TTC32: variants seen among roughly 807,000 people sequenced by gnomAD.
The protein encoded by TTC32 is tetratricopeptide repeat protein 32.
TTC32 carries 16 observed loss-of-function variants against 15.3 expected under a neutral mutation model. The observed-to-expected ratio is 1.05, with a 90% confidence interval of 0.71 to 1.59. TTC32 has a LOEUF of 1.59. TTC32 is among the 40% of genes most tolerant of loss of function. The pLI, the probability that TTC32 is intolerant of heterozygous loss-of-function variation, is 0.00. For missense variants in TTC32, 188 were observed against 181.9 expected (o/e 1.03, Z -0.19); for synonymous variants, 89 against 67.8 (o/e 1.31, Z -1.53).
chr2:19,897,034 G>C lies in TTC32; in HGVS notation c.409C>G (p.Leu137Val), dbSNP rs776631142. Residue 137 changes from leucine (L) to valine (V), a missense_variant, in exon 3 of 3, where the codon CTA (leucine) becomes GTA (valine). By Grantham distance (32) the Leu-to-Val change is conservative (BLOSUM62 1). Transcript: ENST00000333610. ...DATLSLKQTILDKEEKQRRNV... is the reference protein window; with the variant it reads ...DATLSLKQTIVDKEEKQRRNV... The stretch of plus-strand genomic sequence containing the variant: ...CTTCTTTGTTTTTCTTCTTTGTCTA[G>C]AATAGTCTGTTTTAAGCTCAAAGTA... 49 of 1,603,262 alleles carry C rather than the reference G, an allele frequency of 3.1e-5. No individual in the cohort carries two copies. Among genetic ancestry groups the C allele is most frequent in the Non-Finnish European group, 3.7e-5 (44 of 1,175,388 alleles).
rs1390947327 is a variant in TTC32 at position 19,897,068 on chromosome 2, A to G, written c.375T>C (p.Phe125=). 1 of 1,609,808 alleles carries G rather than the reference A, an allele frequency of 6.2e-7. No individual in the cohort carries two copies. Among genetic ancestry groups the G allele is most frequent in the East Asian group, 2.2e-5 (1 of 44,452 alleles). ...FKKVLDLNPG[F]QDATLSLKQT... ...GTTTTAAGCTCAAAGTAGCATCTTG[A>G]AATCCAGGATTTAAGTCTAAGACCT... Residue 125 remains phenylalanine (F), a synonymous_variant, in exon 3 of 3, where the codon TTT becomes TTC. Transcript: ENST00000333610.
chr2:19,898,133 T>C (rs1669541839), intron 1 of TTC32, 98 bp from the exon 2 acceptor site: 4 of 1,106,620 alleles, frequency 3.6e-6, no homozygotes, highest in Middle Eastern at 2.1e-4. Flanking sequence ...TCACAGCCTA[T>C]AACATGCAGC....
At chr2:19,901,190 C>G in intron 1 of TTC32, 1 of 405,318 alleles carries the variant, frequency 2.5e-6, no homozygotes, top group Non-Finnish European at 5.0e-6. Context: ...TCGTTATGCT[C>G]TCTTCCACAT....
intron 1 of TTC32, among the ~76,000 whole-genome samples, chr2:19,899,736 T>C (rs540426858): frequency 6.6e-6 from 1 of 151,144 alleles, no homozygotes; most frequent in Admixed American, 6.6e-5. Flanking sequence ...TGTGTGTATA[T>C]ATATACACAC....
chr2:19,901,647 A>G, intron 1 of TTC32, 59 bp downstream of exon 1: 1 of 1,570,738 alleles, frequency 6.4e-7, no homozygotes, highest in Non-Finnish European at 8.6e-7. Context: ...AGGAGCCCAA[A>G]CAACCCCAAC....
At chr2:19,901,513 C>T in intron 1 of TTC32, 193 bp downstream of exon 1, 1 of 689,848 alleles carries the variant, frequency 1.4e-6, no homozygotes, top group Non-Finnish European at 2.2e-6. Flanking sequence ...GGGCTTCTCC[C>T]CGCGTTCTCC....
chr2:19,901,090 G>A (rs1306909689), intron 1 of TTC32: 5 of 471,314 alleles, frequency 1.1e-5, no homozygotes, highest in Middle Eastern at 3.3e-4. Context: ...ACTATGTGAT[G>A]ATGACATGGT....
chr2:19,901,073 T>C (rs781422246), intron 1 of TTC32: 1 of 471,248 alleles, frequency 2.1e-6, no homozygotes, highest in East Asian at 6.9e-5. Context: ...CGACTTGATA[T>C]TAAGTAACTA....
chr2:19,897,955 G>A lies in TTC32; in HGVS notation c.230C>T (p.Ala77Val). 6.2e-7 allele frequency: 1 copy of A among 1,612,286 alleles called. No individual in the cohort carries two copies. Among genetic ancestry groups the A allele is most frequent in the Non-Finnish European group, 8.5e-7 (1 of 1,178,666 alleles). The change falls in exon 2 of 3, where the codon GCC (alanine) becomes GTC (valine). Residue 77 changes from alanine (A) to valine (V), a missense_variant. By Grantham distance (64) the Ala-to-Val change is moderately conservative (BLOSUM62 0). Coordinates refer to ENST00000333610, the MANE Select transcript of TTC32 (RefSeq NM_001008237.3). ...IKYFRVDFYE[A>V]MDDYTSAIEV... ...TATGGCAGATGTGTAGTCATCCATG[G>A]CTTCATAAAAATCAACCCTGAAGTA...
At chr2:19,901,503 G>T in intron 1 of TTC32, 1 of 619,026 alleles carries the variant, frequency 1.6e-6, no homozygotes, top group Non-Finnish European at 2.6e-6. Flanking sequence ...CCTCACGGGT[G>T]GGCTTCTCCC....
intron 2 of TTC32, among the ~76,000 whole-genome samples, chr2:19,897,578 G>A (rs1179546112): frequency 6.6e-6 from 1 of 152,172 alleles, no homozygotes; most frequent in Non-Finnish European, 1.5e-5. Context: ...TTTCACAGGT[G>A]AACATCTGAA....
chr2:19,901,937 C>G lies in TTC32; in HGVS notation c.-83G>C. 1 of 1,533,118 alleles carries G rather than the reference C, an allele frequency of 6.5e-7. No homozygotes were observed. Among genetic ancestry groups the G allele is most frequent in the Non-Finnish European group, 8.9e-7 (1 of 1,122,450 alleles). The allele number at this position is 1,533,118 out of a possible 1,614,324, so 95.0% of individuals were successfully genotyped here. On this transcript the variant is annotated 5_prime_UTR_variant, in exon 1 of 3. Transcript: ENST00000333610. ...GTGGCACCACAAAGCCACTTCCACA[C>G]CCTGGAATCTACCTTGACAGCCAAC...
intron 2 of TTC32, among the ~76,000 whole-genome samples, chr2:19,897,652 G>A (rs538708168): frequency 1.3e-5 from 2 of 152,252 alleles, no homozygotes; most frequent in South Asian, 4.1e-4. Flanking sequence ...CTGCTCCTGC[G>A]CCCAGGTCCA....
intron 1 of TTC32, chr2:19,901,226 A>G: frequency 3.0e-6 from 1 of 335,298 alleles, no homozygotes; most frequent in Non-Finnish European, 5.9e-6. Context: ...ACAAGTGAAA[A>G]ACACCACCAA....
Position 19,896,976 on chromosome 2 carries a change from A to C in TTC32, c.*11T>G, listed in dbSNP as rs756804027. ...GGATCATGAATCAATACTTCCATTA[A>C]GTTAAAAATATCAATAATTTTTTGC... On this transcript the variant is annotated 3_prime_UTR_variant, in exon 3 of 3. Coordinates refer to ENST00000333610, the MANE Select transcript of TTC32 (RefSeq NM_001008237.3). The C allele has an allele frequency of 2.9e-5, 45 of 1,563,222 alleles. No homozygotes were observed. In the Admixed American group the frequency reaches 8.2e-4, roughly 29 times the overall value.
rs758440988 is a variant in TTC32 at position 19,898,005 on chromosome 2, T to C, written c.180A>G (p.Ala60=). The change falls in exon 2 of 3, where the codon GCA becomes GCG. Residue 60 remains alanine (A), a synonymous_variant. Transcript: ENST00000333610. The part of the protein sequence containing the change: ...SKCSPEDLAT[A]YNNRGQIKYF... ...ACTTGATTTGCCCCCTGTTGTTATA[T>C]GCAGTAGCCAAATCCTCAGGGCTGC... 5.1e-5 allele frequency: 81 copies of C among 1,594,286 alleles called. No homozygotes were observed. The highest frequency in any genetic ancestry group is 2.6e-4 in the Admixed American group (15 of 58,224).
At chr2:19,900,250 A>G (rs1017838755) in intron 1 of TTC32, among the ~76,000 whole-genome samples, 2 of 152,258 alleles carry the variant, frequency 1.3e-5, no homozygotes, top group African/African-American at 4.8e-5. Flanking sequence ...TTAGAGCTTG[A>G]AACATGAATA....
rs1669605087 is a variant in TTC32, at chr2:19,901,600, A to G, written c.149+106T>C. The G allele has an allele frequency of 4.2e-5, 61 of 1,452,940 alleles. No individual in the cohort carries two copies. In the South Asian group the frequency reaches 6.4e-4, roughly 15 times the overall value. The allele number at this position is 1,452,940 out of a possible 1,614,324, so 90.0% of individuals were successfully genotyped here. A position where few individuals can be genotyped will look rare whatever the true frequency, so the allele number is the denominator to read the frequency against. ...GCCCGCTCAGTCCTAGTGCTGGGTT[A>G]TGACAAGCGCCGACCGTGAGCTCCA... On this transcript the variant is annotated intron_variant, in intron 1 of 2. Transcript: ENST00000333610.
At chr2:19,897,758 A>T (rs1669533149) in intron 2 of TTC32, 111 bp downstream of exon 2, 1 of 948,140 alleles carries the variant, frequency 1.1e-6, no homozygotes, top group Non-Finnish European at 1.5e-6. Flanking sequence ...CTAAACCTAA[A>T]TTTCACAGAA....
Sources: gnomAD v4.1 joint callset for allele counts (sites outside exome capture counted in the v4.1 genomes callset) on GRCh38, gnomAD v4.1.1 for gene constraint, MANE v1.5 for transcripts, NCBI Gene and HGNC (gene_info 2026-07-23, HGNC 2026-07-21) for gene names.